Variants in EPHA6 observed in about 807,000 individuals in gnomAD.
The protein encoded by EPHA6 is ephrin type-A receptor 6.
In EPHA6, 50 loss-of-function variants were observed where a neutral mutation model predicts 112.0. The ratio of observed to expected loss-of-function variants is 0.45; its 90% CI spans 0.36 to 0.56. EPHA6 has a LOEUF of 0.56. EPHA6 is among the 20% of genes least tolerant of loss of function. The probability of loss-of-function intolerance (pLI) is 0.00; values close to 1 mark genes in which losing one functional copy is unlikely to be tolerated. For missense variants in EPHA6, 1,280 were observed against 1,417.4 expected, an observed-to-expected ratio of 0.90 and a Z score of 1.56; for synonymous variants, 529 against 490.7, an observed-to-expected ratio of 1.08 and a Z score of -1.03.
chr3:97,474,360 G>A (rs1190616927), intron 7 of EPHA6, among the ~76,000 whole-genome samples: 1 of 151,760 alleles, frequency 6.6e-6, no homozygotes, highest in Admixed American at 6.6e-5. Context: ...TTTAAGTTAA[G>A]GAACATTAAG....
intron 2 of EPHA6, among the ~76,000 whole-genome samples, chr3:96,887,408 G>A (rs1017509521): frequency 5.3e-5 from 8 of 152,174 alleles, no homozygotes; most frequent in Admixed American, 3.3e-4. Context: ...GCTGGTAGTG[G>A]TGTTGCCTGT....
chr3:97,095,605 A>C (rs931692610), intron 3 of EPHA6, among the ~76,000 whole-genome samples: 2 of 151,994 alleles, frequency 1.3e-5, no homozygotes, highest in African/African-American at 4.8e-5. Context: ...TGGCTACTTA[A>C]AAATAATGAC....
chr3:97,446,564 A>G (rs1007692250), intron 6 of EPHA6, among the ~76,000 whole-genome samples: 1 of 152,118 alleles, frequency 6.6e-6, no homozygotes, highest in African/African-American at 2.4e-5. Context: ...GGATGAGACT[A>G]AATGCTTTTT....
At chr3:97,382,068 T>C (rs2085775199) in intron 5 of EPHA6, among the ~76,000 whole-genome samples, 1 of 152,114 alleles carries the variant, frequency 6.6e-6, no homozygotes, top group African/African-American at 2.4e-5. Context: ...ATATCTATAA[T>C]GTTAACTATT....
chr3:97,679,335 C>G (rs1287097314), intron 14 of EPHA6, among the ~76,000 whole-genome samples: 1 of 152,092 alleles, frequency 6.6e-6, no homozygotes, highest in African/African-American at 2.4e-5. Context: ...GGTAGTTTCC[C>G]TCAGCTGGAA....
At chr3:97,691,814 A>G (rs1323413819) in intron 14 of EPHA6, among the ~76,000 whole-genome samples, 1 of 152,228 alleles carries the variant, frequency 6.6e-6, no homozygotes, top group Non-Finnish European at 1.5e-5. Context: ...ACCACATGAC[A>G]TCCTGAGCAG....
chr3:97,167,772 A>C (rs937241164), intron 3 of EPHA6, among the ~76,000 whole-genome samples: 1 of 152,056 alleles, frequency 6.6e-6, no homozygotes. Flanking sequence ...TTTAAAATAA[A>C]CAGTATTCTT....
chr3:96,950,365 T>C (rs1272568489), intron 2 of EPHA6, among the ~76,000 whole-genome samples: 3 of 152,070 alleles, frequency 2.0e-5, no homozygotes, highest in Admixed American at 6.6e-5. Flanking sequence ...ACTGTGCCCC[T>C]GTAACACCCT....
chr3:96,893,561 G>A (rs1403358148), intron 2 of EPHA6, among the ~76,000 whole-genome samples: 1 of 152,186 alleles, frequency 6.6e-6, no homozygotes, highest in African/African-American at 2.4e-5. Flanking sequence ...ACACCAGTCA[G>A]GCGTGTCCCA....
Position 96,987,679 on chromosome 3 carries a change from T to G in EPHA6, c.800T>G (p.Ile267Ser). The change falls in exon 3 of 18, where the codon ATT becomes AGT. Residue 267 changes from isoleucine to serine, a missense_variant. Around this residue, in one of 4 missense-constraint regions of EPHA6, gnomAD observed 878 missense variants for 999.7 expected, o/e 0.88. Coordinates refer to ENST00000389672, the MANE Select transcript of EPHA6 (RefSeq NM_001080448.3). ...CGCATCCTCAAACTCAACACTGAAA[T>G]TCGTGAGGTGGGGCCTATAGAAAGG... is the stretch of plus-strand genomic sequence containing the variant. ...GDRILKLNTEIREVGPIERKG... is the reference protein window; with the variant it reads ...GDRILKLNTESREVGPIERKG... 6.2e-7 allele frequency: 1 copy of G among 1,606,566 alleles called. No individual in the cohort carries two copies.
intron 16 of EPHA6, among the ~76,000 whole-genome samples, chr3:97,743,597 A>T (rs2107887371): frequency 6.6e-6 from 1 of 152,220 alleles, no homozygotes; most frequent in Middle Eastern, 3.4e-3. Flanking sequence ...GAAACATGGG[A>T]TACATTCATG....
intron 3 of EPHA6, among the ~76,000 whole-genome samples, chr3:97,205,570 G>A (rs1434224429): frequency 2.0e-5 from 3 of 152,014 alleles, no homozygotes; most frequent in South Asian, 2.1e-4. Context: ...TATGTAAACA[G>A]AAGGTTGACT....
chr3:96,921,892 G>A lies in EPHA6; in HGVS notation c.450+55003G>A, dbSNP rs370370085. ...CTAAAAAACCTAACTTTTGATGCAC[G>A]GTTTGTGTATTTGTGATAACACAGA... On this transcript the variant is annotated intron_variant, in intron 2 of 17. Transcript: ENST00000389672. 1.6e-4 allele frequency among the ~76,000 whole-genome samples: 24 copies of A among 152,114 alleles called. No individual in the cohort carries two copies. The South Asian group carries it at 3.3e-3, about 21-fold the overall frequency.
intron 3 of EPHA6, among the ~76,000 whole-genome samples, chr3:97,056,507 G>A (rs955994990): frequency 1.3e-5 from 2 of 152,166 alleles, no homozygotes; most frequent in African/African-American, 4.8e-5. Flanking sequence ...GTTTGGAAAT[G>A]TTTGCACTCA....
At chr3:96,829,984 C>CAA (rs2033948234) in intron 1 of EPHA6, among the ~76,000 whole-genome samples, 1 of 148,026 alleles carries the variant, frequency 6.8e-6, no homozygotes, top group African/African-American at 2.5e-5. Context: ...CACACACACA[C>CAA]ACACAGAAAT....
At chr3:97,048,780 G>A (rs376648642) in intron 3 of EPHA6, among the ~76,000 whole-genome samples, 1 of 152,178 alleles carries the variant, frequency 6.6e-6, no homozygotes. Flanking sequence ...TTTAAATGAG[G>A]AGGAGAGAAA....
chr3:97,590,554 A>G (rs556326372), intron 11 of EPHA6, among the ~76,000 whole-genome samples: 3 of 152,078 alleles, frequency 2.0e-5, no homozygotes, highest in Non-Finnish European at 4.4e-5. Context: ...ACTACTTTAC[A>G]TATTTTTGTT....
At chr3:97,729,115 C>T (rs1386101) in intron 15 of EPHA6, among the ~76,000 whole-genome samples, 149,303 of 152,164 alleles carry the variant, frequency 0.98, 73,270 homozygotes, top group East Asian at 0.99. Flanking sequence ...TTAGGCTAAA[C>T]AACAAATTAG....
At chr3:97,054,504 C>T (rs2045789584) in intron 3 of EPHA6, among the ~76,000 whole-genome samples, 1 of 151,884 alleles carries the variant, frequency 6.6e-6, no homozygotes. Context: ...TTAATAAGTG[C>T]ATCATTACAG....
Sources: allele counts gnomAD v4.1 joint callset (sites outside exome capture counted in the v4.1 genomes callset), GRCh38; gene constraint gnomAD v4.1.1; regional missense constraint gnomAD v4.1.1; transcripts MANE v1.5; gene names NCBI Gene and HGNC (gene_info 2026-07-23, HGNC 2026-07-21).